PPFIA4: variants seen among roughly 807,000 people sequenced by gnomAD.
The protein encoded by PPFIA4 is PPFI scaffold protein A4, also known as liprin-alpha-4.
PPFIA4 carries 98 observed loss-of-function variants against 145.7 expected under a neutral mutation model. The ratio of observed to expected loss-of-function variants is 0.67; its 90% confidence interval spans 0.57 to 0.80. PPFIA4 has a LOEUF of 0.80. PPFIA4 is among the 30% of genes least tolerant of loss of function. The pLI is 0.00. For synonymous variants in PPFIA4, 628 were observed against 649.6 expected, an observed-to-expected ratio of 0.97 and a Z score of 0.51; for missense variants, 1,457 against 1,632.7, an observed-to-expected ratio of 0.89 and a Z score of 1.85.
Position 203,056,467 on chromosome 1 carries a change from G to T in PPFIA4, c.2199G>T (p.Glu733Asp). ...PPSSPRTLRL[E>D]KLGHPALSQE... is the part of the protein sequence containing the mutation. ...CCTCACCCAGGACGCTGCGGCTAGA[G>T]AAGCTTGGCCACCCAGCCCTGAGCC... The change falls in exon 18 of 30, where the codon GAG (glutamate) becomes GAT (aspartate). Residue 733 changes from glutamate (E) to aspartate (D), a missense_variant. Coordinates refer to ENST00000295706, the MANE Select transcript of PPFIA4 (RefSeq NM_001304331.2). The T allele has an allele frequency of 6.2e-7, 1 of 1,613,992 alleles. No individual in the cohort carries two copies. The highest frequency in any genetic ancestry group is 8.5e-7 in the Non-Finnish European group (1 of 1,179,888).
chr1:203,039,801 T>C (rs1048749842), intron 2 of PPFIA4, among the ~76,000 whole-genome samples: 2 of 152,248 alleles, frequency 1.3e-5, no homozygotes, highest in African/African-American at 4.8e-5. Flanking sequence ...AAGCACTTTA[T>C]AAGGATTCTC....
intron 14 of PPFIA4, among the ~76,000 whole-genome samples, 181 bp downstream of exon 14, chr1:203,052,058 C>G (rs1660571702): frequency 6.9e-6 from 1 of 144,486 alleles, no homozygotes; most frequent in Admixed American, 6.8e-5. Context: ...CCCCCCCCCG[C>G]TTGCCTTGGC....
At position 203,048,241 on chromosome 1, in the gene PPFIA4, T is replaced by G. The variant is rs757174761; in HGVS notation, c.1155T>G (p.His385Gln). The change falls in exon 10 of 30, where the codon CAT (histidine) becomes CAG (glutamine). Residue 385 changes from histidine (H) to glutamine (Q), a missense_variant. By Grantham distance (24) the His-to-Gln change is conservative (BLOSUM62 0). This residue lies in a region of PPFIA4 where 848 missense variants were observed against 1,046.7 expected (regional missense o/e 0.81). Coordinates refer to ENST00000295706, the MANE Select transcript of PPFIA4 (RefSeq NM_001304331.2). This position sits in a 1 kb window ranked among gnomAD's most constrained non-coding sequence, Gnocchi z 5.8. ...CCTGCCCCTAGGCTGAAGAACGGCA[T>G]GGCAACATTGAGGAGCACCTGCGGC... ...IAALTKAEER[H>Q]GNIEEHLRQL... The G allele has an allele frequency of 3.7e-6, 6 of 1,612,628 alleles. No homozygotes were observed. The East Asian group carries it at 1.3e-4, about 36-fold the overall frequency.
intron 2 of PPFIA4, among the ~76,000 whole-genome samples, chr1:203,040,887 A>T (rs538132106): frequency 1.3e-5 from 2 of 152,312 alleles, no homozygotes; most frequent in South Asian, 4.1e-4. Flanking sequence ...TCCCACACTG[A>T]AGCTTCATGA....
In PPFIA4 at chr1:203,039,903, T is replaced by G. The variant is rs545947428; in HGVS notation, c.234+661T>G. On this transcript the variant is annotated intron_variant, in intron 2 of 29. Coordinates refer to ENST00000295706, the MANE Select transcript of PPFIA4 (RefSeq NM_001304331.2). ...AACTAAAGCTGGGGAGATGAGTAAG[T>G]TGCTCGTGGCCATGCAGGTAGTGTG... Among the ~76,000 whole-genome samples the G allele has an allele frequency of 5.8e-3, 885 of 152,350 alleles. 4 individuals are homozygous for G. Among genetic ancestry groups the G allele is most frequent in the Non-Finnish European group, 7.3e-3 (497 of 68,028 alleles).
At chr1:203,045,717 G>T (rs1351257192) in intron 7 of PPFIA4, 124 bp from the exon 8 acceptor site, 2 of 1,495,116 alleles carry the variant, frequency 1.3e-6, no homozygotes, top group Admixed American at 4.0e-5. Flanking sequence ...GCCAGAAACT[G>T]ACAGGAGAGT....
At position 203,051,759 on chromosome 1, in the gene PPFIA4, A is replaced by C. The variant is rs777374062; in HGVS notation, c.1512-10A>C. On this transcript the variant is annotated splice_polypyrimidine_tract_variant and intron_variant, in intron 13 of 29. Coordinates refer to ENST00000295706, the MANE Select transcript of PPFIA4 (RefSeq NM_001304331.2). ...GGGCCTGTCTTTTCTCTCCCCCATC[A>C]CCGCTCAAGGTCGCACATGGGCAGT... is the stretch of plus-strand genomic sequence containing the variant. The C allele has an allele frequency of 2.5e-5, 40 of 1,606,324 alleles. No homozygotes were observed. Among genetic ancestry groups the C allele is most frequent in the Non-Finnish European group, 3.4e-5 (40 of 1,176,688 alleles).
At chr1:203,033,343 T>G (rs916409466) in intron 1 of PPFIA4, among the ~76,000 whole-genome samples, 1 of 152,164 alleles carries the variant, frequency 6.6e-6, no homozygotes, top group Non-Finnish European at 1.5e-5. Context: ...TTCCAAGAGT[T>G]TTTTCTCTGG....
chr1:203,048,444 T>C lies in PPFIA4; in HGVS notation c.1224+134T>C. ...CAGAGAGTGGGAGGAGGCTGGCAGG[T>C]GAAGGGGGAGGTGGTCAGGAGACTG... On this transcript the variant is annotated intron_variant, in intron 10 of 29. Transcript: ENST00000295706. The surrounding 1 kb of genome is among the most constrained non-coding windows in gnomAD (Gnocchi z 5.8). 6.9e-7 allele frequency: 1 copy of C among 1,457,844 alleles called. No individual in the cohort carries two copies. The highest frequency in any genetic ancestry group is 9.3e-7 in the Non-Finnish European group (1 of 1,069,572). The allele number at this position is 1,457,844 out of a possible 1,614,324, so 90.3% of individuals were successfully genotyped here. A position where few individuals can be genotyped will look rare whatever the true frequency, so the allele number is the denominator to read the frequency against.
At chr1:203,059,952 C>A in intron 21 of PPFIA4, 101 bp downstream of exon 21, 1 of 1,017,320 alleles carries the variant, frequency 9.8e-7, no homozygotes, top group Non-Finnish European at 1.5e-6. Context: ...GTGTTTCTCC[C>A]CTGCCAAGTG....
At chr1:203,027,149 A>G (rs1247396096) in intron 1 of PPFIA4, among the ~76,000 whole-genome samples, 1 of 151,124 alleles carries the variant, frequency 6.6e-6, no homozygotes, top group Non-Finnish European at 1.5e-5. Flanking sequence ...TCTGTGCCAG[A>G]GATGCCCCCA....
At chr1:203,045,117 G>T (rs1427968802) in intron 6 of PPFIA4, among the ~76,000 whole-genome samples, 1 of 152,188 alleles carries the variant, frequency 6.6e-6, no homozygotes, top group East Asian at 1.9e-4. Flanking sequence ...GTTACAAGAG[G>T]CTGGCATAGC....
At chr1:203,061,600 G>A in intron 23 of PPFIA4, 52 bp from the exon 24 acceptor site, 1 of 1,532,596 alleles carries the variant, frequency 6.5e-7, no homozygotes, top group Non-Finnish European at 8.8e-7. Context: ...AGAGCTGATG[G>A]GTTTCTTGAC....
At chr1:203,034,309 A>C (rs1353062395) in intron 1 of PPFIA4, among the ~76,000 whole-genome samples, 2 of 152,102 alleles carry the variant, frequency 1.3e-5, no homozygotes, top group African/African-American at 4.8e-5. Flanking sequence ...GACCTCAGTG[A>C]GCAGGGCTAG....
At chr1:203,067,888 A>T (rs1661845646) in intron 26 of PPFIA4, 96 bp downstream of exon 26, 1 of 1,051,238 alleles carries the variant, frequency 9.5e-7, no homozygotes, top group Non-Finnish European at 1.5e-6. Flanking sequence ...TGTCTCAGGG[A>T]ATCTTCCAGT....
intron 27 of PPFIA4, among the ~76,000 whole-genome samples, chr1:203,069,475 G>T (rs1661974172): frequency 6.6e-6 from 1 of 152,170 alleles, no homozygotes; most frequent in South Asian, 2.1e-4. Flanking sequence ...CCAAGCCTTT[G>T]TCTCTCCAGA....
intron 1 of PPFIA4, among the ~76,000 whole-genome samples, chr1:203,028,162 G>C (rs554026617): frequency 6.6e-6 from 1 of 152,174 alleles, no homozygotes; most frequent in African/African-American, 2.4e-5. Flanking sequence ...GGAATAGTGT[G>C]GGGGAGGAGG....
At chr1:203,030,051 C>CTT (rs1658705820) in intron 1 of PPFIA4, among the ~76,000 whole-genome samples, 3 of 152,116 alleles carry the variant, frequency 2.0e-5, no homozygotes, top group Admixed American at 2.0e-4. Context: ...GCCTTCATGG[C>CTT]CACTGTCTTC....
In PPFIA4 at chr1:203,059,817, A is replaced by G. The variant is rs376669857; in HGVS notation, c.2549A>G (p.Gln850Arg). Residue 850 changes from glutamine to arginine, a missense_variant, in exon 21 of 30, where the codon CAG (glutamine) becomes CGG (arginine). Gln to Arg is a conservative substitution (Grantham distance 43). Around this residue, in one of 3 missense-constraint regions of PPFIA4, gnomAD observed 848 missense variants for 1,046.7 expected, o/e 0.81. Coordinates refer to ENST00000295706, the MANE Select transcript of PPFIA4 (RefSeq NM_001304331.2). Reference sequence around the variant, plus strand: ...CGCAGGAAAGGAATGCCCTTTGCCCAGTGGGATGGTCCTACTGTGGTCTCC... The same window carrying G: ...CGCAGGAAAGGAATGCCCTTTGCCCGGTGGGATGGTCCTACTGTGGTCTCC... ...DARRKGMPFA[Q>R]WDGPTVVSWL... 2 of 1,613,386 alleles carry G rather than the reference A, an allele frequency of 1.2e-6. No homozygotes were observed. The highest frequency in any genetic ancestry group is 2.2e-5 in the East Asian group (1 of 44,864).
Sources: allele counts gnomAD v4.1 joint callset (sites outside exome capture counted in the v4.1 genomes callset), GRCh38; gene constraint gnomAD v4.1.1; regional missense constraint gnomAD v4.1.1; non-coding constraint Gnocchi (gnomAD v3.1); transcripts MANE v1.5; gene names NCBI Gene and HGNC (gene_info 2026-07-23, HGNC 2026-07-21).